LDAH: variants seen among roughly 807,000 people sequenced by gnomAD.
LDAH encodes the protein lipid droplet-associated hydrolase.
LDAH carries 26 observed loss-of-function variants against 29.6 expected under a neutral mutation model. The observed-to-expected ratio is 0.88, with a 90% CI of 0.64 to 1.22. The LOEUF is 1.22. Ranked by LOEUF, LDAH falls within the 50% of genes most tolerant of loss-of-function variation. The pLI is 0.00. For synonymous variants in LDAH, 117 were observed against 133.0 expected (o/e 0.88, Z 0.83); for missense variants, 344 against 387.3 (o/e 0.89, Z 0.94).
chr2:20,803,464 C>T (rs565504380), intron 1 of LDAH, among the ~76,000 whole-genome samples: 2 of 152,326 alleles, frequency 1.3e-5, no homozygotes, highest in South Asian at 4.1e-4. Flanking sequence ...AAGCTGTAAA[C>T]AGCAGTGCTC....
chr2:20,781,563 C>T (rs1164099966), intron 3 of LDAH, among the ~76,000 whole-genome samples: 1 of 152,188 alleles, frequency 6.6e-6, no homozygotes, highest in Non-Finnish European at 1.5e-5. Context: ...GCAAACATAA[C>T]CTCCAATGTG....
At chr2:20,746,767 C>T (rs1437622146) in intron 4 of LDAH, among the ~76,000 whole-genome samples, 1 of 151,882 alleles carries the variant, frequency 6.6e-6, no homozygotes, top group East Asian at 1.9e-4. Context: ...GTGTACACGA[C>T]CAAACATTTT....
At chr2:20,720,365 C>T (rs1428431716) in intron 5 of LDAH, among the ~76,000 whole-genome samples, 1 of 151,940 alleles carries the variant, frequency 6.6e-6, no homozygotes, top group South Asian at 2.1e-4. Flanking sequence ...TTTACAATAG[C>T]TACTAAAAAA....
intron 3 of LDAH, among the ~76,000 whole-genome samples, chr2:20,782,818 T>G (rs1370872437): frequency 1.3e-5 from 2 of 152,166 alleles, no homozygotes; most frequent in Non-Finnish European, 2.9e-5. Context: ...GTTTTCAACT[T>G]CATTGATTTG....
chr2:20,727,477 T>A (rs1487937069), intron 5 of LDAH, among the ~76,000 whole-genome samples: 1 of 152,130 alleles, frequency 6.6e-6, no homozygotes, highest in Non-Finnish European at 1.5e-5. Flanking sequence ...ATTATGAAAA[T>A]TTATTTTACA....
chr2:20,715,131 A>G (rs1251767891), intron 5 of LDAH, among the ~76,000 whole-genome samples: 1 of 152,214 alleles, frequency 6.6e-6, no homozygotes, highest in Non-Finnish European at 1.5e-5. Context: ...AAAATCCTCA[A>G]TAAAATACTG....
chr2:20,697,306 G>A (rs1663565119), intron 6 of LDAH, among the ~76,000 whole-genome samples: 1 of 152,166 alleles, frequency 6.6e-6, no homozygotes, highest in Non-Finnish European at 1.5e-5. Flanking sequence ...CAGTACCTTT[G>A]ATTCTATCTC....
At chr2:20,726,489 C>A (rs1666024078) in intron 5 of LDAH, among the ~76,000 whole-genome samples, 2 of 152,162 alleles carry the variant, frequency 1.3e-5, no homozygotes, top group Non-Finnish European at 2.9e-5. Flanking sequence ...AAAGGCTATA[C>A]CAGCAGGGTT....
At chr2:20,753,812 T>A (rs1048655130) in intron 4 of LDAH, among the ~76,000 whole-genome samples, 1 of 152,316 alleles carries the variant, frequency 6.6e-6, no homozygotes, top group African/African-American at 2.4e-5. Flanking sequence ...CTAATAAACA[T>A]CTTGCTTAAA....
At chr2:20,739,825 T>C (rs1046765025) in intron 5 of LDAH, 146 bp downstream of exon 5, 4 of 600,426 alleles carry the variant, frequency 6.7e-6, no homozygotes, top group Non-Finnish European at 1.1e-5. Flanking sequence ...TTTCTAATTT[T>C]ATTTATTTCT....
intron 3 of LDAH, chr2:20,788,942 C>A: frequency 1.9e-6 from 1 of 531,644 alleles, no homozygotes. Context: ...GTTTGCATCT[C>A]CATGGTATTA....
At chr2:20,734,470 G>A (rs754384220) in intron 5 of LDAH, among the ~76,000 whole-genome samples, 3 of 152,006 alleles carry the variant, frequency 2.0e-5, no homozygotes, top group Non-Finnish European at 2.9e-5. Flanking sequence ...GCTGTTCTAG[G>A]TACTACATTA....
chr2:20,766,203 C>T (rs1669025382), intron 4 of LDAH, among the ~76,000 whole-genome samples: 1 of 151,838 alleles, frequency 6.6e-6, no homozygotes, highest in South Asian at 2.1e-4. Flanking sequence ...TATTTTTATT[C>T]TATTCTATTT....
At chr2:20,788,967 A>C in intron 3 of LDAH, 3 of 643,824 alleles carry the variant, frequency 4.7e-6, no homozygotes, top group Admixed American at 3.2e-5. Flanking sequence ...TTCCATTTAG[A>C]AACCTTCCAG....
chr2:20,817,318 A>G (rs1266101612), intron 1 of LDAH, among the ~76,000 whole-genome samples: 1 of 152,060 alleles, frequency 6.6e-6, no homozygotes, highest in African/African-American at 2.4e-5. Context: ...GACACAAATT[A>G]CTAATACAGT....
intron 1 of LDAH, among the ~76,000 whole-genome samples, chr2:20,803,367 C>A (rs532785775): frequency 6.6e-6 from 1 of 152,306 alleles, no homozygotes; most frequent in Non-Finnish European, 1.5e-5. Flanking sequence ...ACTCCCCAGC[C>A]CCTCTCCTCA....
At chr2:20,689,994 C>A (rs340596) in intron 6 of LDAH, among the ~76,000 whole-genome samples, 3 of 152,042 alleles carry the variant, frequency 2.0e-5, no homozygotes, top group Non-Finnish European at 2.9e-5. Context: ...CGTCACTGTA[C>A]GCACCGCTGT....
intron 3 of LDAH, among the ~76,000 whole-genome samples, chr2:20,777,694 A>T (rs112302390): frequency 1.3e-5 from 2 of 152,070 alleles, no homozygotes; most frequent in Admixed American, 6.5e-5. Flanking sequence ...ACAGGCGTAA[A>T]CCACCATTCC....
chr2:20,711,318 G>C (rs1048936535), intron 5 of LDAH, among the ~76,000 whole-genome samples: 2 of 151,752 alleles, frequency 1.3e-5, no homozygotes, highest in Non-Finnish European at 2.9e-5. Flanking sequence ...CCGGGAGGTG[G>C]AGCTTGAAGT....
Sources: gnomAD v4.1 joint callset for allele counts (sites outside exome capture counted in the v4.1 genomes callset) on GRCh38, gnomAD v4.1.1 for gene constraint, MANE v1.5 for transcripts, NCBI Gene and HGNC (gene_info 2026-07-23, HGNC 2026-07-21) for gene names.